The following B3GALT4 variants were observed in gnomAD, a reference collection of about 807,000 sequenced individuals.
B3GALT4 encodes the protein beta-1,3-galactosyltransferase 4, also known as UDP-Gal:betaGlcNAc beta 1,3-galactosyltransferase 4.
In B3GALT4, 1 loss-of-function variant was observed where a neutral mutation model predicts 1.6. That is an observed-to-expected ratio of 0.64 (90% CI 0.23 to 3.05). The LOEUF (loss-of-function observed/expected upper bound fraction) is 3.05, where lower values mean the gene tolerates loss of function less well. Among genes scored for constraint, B3GALT4 ranks in the 30% most tolerant of loss-of-function variants. The pLI, the probability that B3GALT4 is intolerant of heterozygous loss-of-function variation, is 0.21. For missense variants in B3GALT4, 441 were observed against 486.9 expected, an observed-to-expected ratio of 0.91 and a Z score of 0.89; for synonymous variants, 259 against 222.6, an observed-to-expected ratio of 1.16 and a Z score of -1.46.
chr6:33,278,487 C>T lies in B3GALT4; in HGVS notation c.1068C>T (p.Pro356=), dbSNP rs770000033. Reference sequence around the variant, plus strand: ...GCTCTGACGGGGAAAGGACTGCGCCCTTTTGCTCCTGGTTCCAGGGAGTCC... The same window carrying T: ...GCTCTGACGGGGAAAGGACTGCGCCTTTTTGCTCCTGGTTCCAGGGAGTCC... ...VGGSDGERTA[P]FCSWFQGVLG... Residue 356 remains proline (P), a synonymous_variant, in exon 1 of 1, where the codon CCC becomes CCT. Transcript: ENST00000451237. The surrounding 1 kb of genome is among the most constrained non-coding windows in gnomAD (Gnocchi z 5.2). 3 of 1,592,632 alleles carry T rather than the reference C, an allele frequency of 1.9e-6. No homozygotes were observed. Among genetic ancestry groups the T allele is most frequent in the South Asian group, 1.1e-5 (1 of 88,202 alleles).
chr6:33,278,622 C>T lies in B3GALT4; in HGVS notation c.*66C>T. 2.7e-6 allele frequency: 4 copies of T among 1,496,686 alleles called. No individual in the cohort carries two copies. Among genetic ancestry groups the T allele is most frequent in the Non-Finnish European group, 8.9e-7 (1 of 1,122,554 alleles). 92.7% of individuals were successfully genotyped at this position (1,496,686 alleles called of 1,614,324 possible). A position where few individuals can be genotyped will look rare whatever the true frequency, so the allele number is the denominator to read the frequency against. ...TCTCTCCCAGGCCCAACGCAGGGGC[C>T]CTCACTGGCTGCAGCTGATCTGTTT... On this transcript the variant is annotated 3_prime_UTR_variant, in exon 1 of 1. Coordinates refer to ENST00000451237, the MANE Select transcript of B3GALT4 (RefSeq NM_003782.4). The surrounding 1 kb of genome is among the most constrained non-coding windows in gnomAD (Gnocchi z 5.2).
chr6:33,277,428 C>T lies in B3GALT4; in HGVS notation c.9C>T (p.Leu3=). ...TCGGAGTACGCCGCACCATGCAGCT[C>T]AGGCTCTTCCGGCGCCTCCTTCTCG... MQ[L]RLFRRLLLAA... is the part of the protein sequence containing the mutation. Residue 3 remains leucine (L), a synonymous_variant, in exon 1 of 1, where the codon CTC becomes CTT. Coordinates refer to ENST00000451237, the MANE Select transcript of B3GALT4 (RefSeq NM_003782.4). This position sits in a 1 kb window ranked among gnomAD's most constrained non-coding sequence, Gnocchi z 5.3. 1 of 1,611,356 alleles carries T rather than the reference C, an allele frequency of 6.2e-7. No homozygotes were observed. The highest frequency in any genetic ancestry group is 8.5e-7 in the Non-Finnish European group (1 of 1,179,906).
chr6:33,278,584 G>A lies in B3GALT4; in HGVS notation c.*28G>A. 1 of 1,515,704 alleles carries A rather than the reference G, an allele frequency of 6.6e-7. No homozygotes were observed. The highest frequency in any genetic ancestry group is 2.3e-5 in the Admixed American group (1 of 44,226). 93.9% of individuals were successfully genotyped at this position (1,515,704 alleles called of 1,614,324 possible). On this transcript the variant is annotated 3_prime_UTR_variant, in exon 1 of 1. Transcript: ENST00000451237. This position sits in a 1 kb window ranked among gnomAD's most constrained non-coding sequence, Gnocchi z 5.2. ...GTGCCTGGGGCCACAGGAAAGGCAG[G>A]AACAGGACCTTCTCTCTCCCAGGCC...
In B3GALT4 at chr6:33,277,698, G is replaced by A. The variant is rs1765755609; in HGVS notation, c.279G>A (p.Ser93=). 3 of 1,613,958 alleles carry A rather than the reference G, an allele frequency of 1.9e-6. No individual in the cohort carries two copies. Among genetic ancestry groups the A allele is most frequent in the African/African-American group, 2.7e-5 (2 of 75,068 alleles). ...NLNQRNAIRA[S]WGGLREARGL... ...ACCAGAGAAACGCCATTCGGGCTTC[G>A]TGGGGCGGGCTGCGCGAGGCCCGGG... is the stretch of plus-strand genomic sequence containing the variant. The change falls in exon 1 of 1, where the codon TCG becomes TCA. Residue 93 remains serine (S), a synonymous_variant. Transcript: ENST00000451237. This position sits in a 1 kb window ranked among gnomAD's most constrained non-coding sequence, Gnocchi z 5.3.
rs1765736732 is a variant in B3GALT4 at position 33,277,512 on chromosome 6, G to A, written c.93G>A (p.Glu31=). Residue 31 remains glutamate (E), a synonymous_variant, in exon 1 of 1, where the codon GAG becomes GAA. Coordinates refer to ENST00000451237, the MANE Select transcript of B3GALT4 (RefSeq NM_003782.4). The surrounding 1 kb of genome is among the most constrained non-coding windows in gnomAD (Gnocchi z 5.3). ...TLFGPSGLGE[E]LLSLSLASLL... ...TCGGGCCTTCGGGGTTGGGGGAGGAGCTGCTGAGCCTCTCACTAGCCTCCC... is the reference window on the plus strand; with the variant it reads ...TCGGGCCTTCGGGGTTGGGGGAGGAACTGCTGAGCCTCTCACTAGCCTCCC... The A allele has an allele frequency of 6.2e-7, 1 of 1,612,568 alleles. No homozygotes were observed. Among genetic ancestry groups the A allele is most frequent in the Admixed American group, 1.7e-5 (1 of 59,988 alleles).
At position 33,278,079 on chromosome 6, in the gene B3GALT4, G is replaced by A; in HGVS notation, c.660G>A (p.Glu220=). ...AAGGAGGCCAGGTTTTGCACAGCGA[G>A]GAAGTGCCTCTTCTGTACTTGGGCC... ...EQEGGQVLHS[E]EVPLLYLGRV... The change falls in exon 1 of 1, where the codon GAG becomes GAA. Residue 220 remains glutamate (E), a synonymous_variant. Transcript: ENST00000451237. The surrounding 1 kb of genome is among the most constrained non-coding windows in gnomAD (Gnocchi z 5.2). 1 of 1,613,958 alleles carries A rather than the reference G, an allele frequency of 6.2e-7. No individual in the cohort carries two copies. Among genetic ancestry groups the A allele is most frequent in the Non-Finnish European group, 8.5e-7 (1 of 1,179,910 alleles).
rs755154942 is a variant in B3GALT4 at position 33,277,601 on chromosome 6, A to G, written c.182A>G (p.Gln61Arg). The change falls in exon 1 of 1, where the codon CAG (glutamine) becomes CGG (arginine). Residue 61 changes from glutamine (Q) to arginine (R), a missense_variant. By Grantham distance (43) the Gln-to-Arg change is conservative. Coordinates refer to ENST00000451237, the MANE Select transcript of B3GALT4 (RefSeq NM_003782.4). This position sits in a 1 kb window ranked among gnomAD's most constrained non-coding sequence, Gnocchi z 5.3. ...CTGCCCCGCCTCTTGATCCCCAACCAGGAAGCTTGCAGTGGTCCCGGGGCC... is the reference window on the plus strand; with the variant it reads ...CTGCCCCGCCTCTTGATCCCCAACCGGGAAGCTTGCAGTGGTCCCGGGGCC... ...LALPRLLIPNQEACSGPGAPP... is the reference protein window; with the variant it reads ...LALPRLLIPNREACSGPGAPP... 19 of 1,612,414 alleles carry G rather than the reference A, an allele frequency of 1.2e-5. No homozygotes were observed. Among genetic ancestry groups the G allele is most frequent in the African/African-American group, 1.3e-5 (1 of 74,892 alleles).
Position 33,277,955 on chromosome 6 carries a change from A to T in B3GALT4, c.536A>T (p.Tyr179Phe). The T allele has an allele frequency of 6.2e-7, 1 of 1,614,192 alleles. No individual in the cohort carries two copies. The highest frequency in any genetic ancestry group is 8.5e-7 in the Non-Finnish European group (1 of 1,180,034). ...RYVLKTDDDV[Y>F]VNVPELVSEL... Reference sequence around the variant, plus strand: ...GTCCTCAAGACGGACGATGATGTGTATGTCAACGTCCCTGAACTGGTATCA... The same window carrying T: ...GTCCTCAAGACGGACGATGATGTGTTTGTCAACGTCCCTGAACTGGTATCA... The change falls in exon 1 of 1, where the codon TAT becomes TTT. Residue 179 changes from tyrosine to phenylalanine, a missense_variant. Physicochemically the swap from Tyr to Phe is conservative, Grantham distance 22. Coordinates refer to ENST00000451237, the MANE Select transcript of B3GALT4 (RefSeq NM_003782.4). This position sits in a 1 kb window ranked among gnomAD's most constrained non-coding sequence, Gnocchi z 5.3.
In B3GALT4 at chr6:33,277,208, C is replaced by T. The variant is rs1177613375; in HGVS notation, c.-212C>T. The T allele has an allele frequency of 2.7e-6, 2 of 731,858 alleles. No homozygotes were observed. The highest frequency in any genetic ancestry group is 4.1e-6 in the Non-Finnish European group (2 of 492,950). The allele number at this position is 731,858 out of a possible 1,614,324, so 45.3% of individuals were successfully genotyped here. On this transcript the variant is annotated 5_prime_UTR_variant, in exon 1 of 1. Transcript: ENST00000451237. This position sits in a 1 kb window ranked among gnomAD's most constrained non-coding sequence, Gnocchi z 5.3. ...GAGCGGAGCTTGCTGGCGGCGAGGC[C>T]GCGGCGACAAGGTAGCCACCCCCGC...
In B3GALT4 at chr6:33,277,773, C is replaced by T; in HGVS notation, c.354C>T (p.His118=). 1 of 1,613,760 alleles carries T rather than the reference C, an allele frequency of 6.2e-7. No individual in the cohort carries two copies. Among genetic ancestry groups the T allele is most frequent in the South Asian group, 1.1e-5 (1 of 91,082 alleles). The change falls in exon 1 of 1, where the codon CAC becomes CAT. Residue 118 remains histidine, a synonymous_variant. Transcript: ENST00000451237. The surrounding 1 kb of genome is among the most constrained non-coding windows in gnomAD (Gnocchi z 5.3). ...TGCTGGGAGAGCCGAACGCACAGCA[C>T]CCCGTGTGGGGTTCCCAGGGGAGTG... is the stretch of plus-strand genomic sequence containing the variant. ...LFLLGEPNAQ[H]PVWGSQGSDL...
chr6:33,277,977 A>G lies in B3GALT4; in HGVS notation c.558A>G (p.Val186=). The change falls in exon 1 of 1, where the codon GTA becomes GTG. Residue 186 remains valine (V), a synonymous_variant. Transcript: ENST00000451237. This position sits in a 1 kb window ranked among gnomAD's most constrained non-coding sequence, Gnocchi z 5.3. ...DDVYVNVPEL[V]SELVLRGGRW... ...TGTATGTCAACGTCCCTGAACTGGT[A>G]TCAGAGCTGGTCTTGCGAGGGGGCC... The G allele has an allele frequency of 6.2e-7, 1 of 1,614,178 alleles. No individual in the cohort carries two copies. Among genetic ancestry groups the G allele is most frequent in the Non-Finnish European group, 8.5e-7 (1 of 1,180,012 alleles).
chr6:33,277,792 G>T lies in B3GALT4; in HGVS notation c.373G>T (p.Gly125Trp), dbSNP rs150668660. ...NAQHPVWGSQ[G>W]SDLASESAAQ... ...ACAGCACCCCGTGTGGGGTTCCCAG[G>T]GGAGTGACCTGGCCTCGGAGTCAGC... The change falls in exon 1 of 1, where the codon GGG becomes TGG. Residue 125 changes from glycine (G) to tryptophan (W), a missense_variant. Coordinates refer to ENST00000451237, the MANE Select transcript of B3GALT4 (RefSeq NM_003782.4). The surrounding 1 kb of genome is among the most constrained non-coding windows in gnomAD (Gnocchi z 5.3). 6.2e-7 allele frequency: 1 copy of T among 1,613,734 alleles called. No homozygotes were observed. The highest frequency in any genetic ancestry group is 8.5e-7 in the Non-Finnish European group (1 of 1,179,994).
chr6:33,277,300 G>A lies in B3GALT4; in HGVS notation c.-120G>A, dbSNP rs916473951. 66 of 1,482,718 alleles carry A rather than the reference G, an allele frequency of 4.5e-5. No individual in the cohort carries two copies. Among genetic ancestry groups the A allele is most frequent in the South Asian group, 1.2e-4 (9 of 73,932 alleles). 91.8% of individuals were successfully genotyped at this position (1,482,718 alleles called of 1,614,324 possible). A position where few individuals can be genotyped will look rare whatever the true frequency, so the allele number is the denominator to read the frequency against. On this transcript the variant is annotated 5_prime_UTR_variant, in exon 1 of 1. Coordinates refer to ENST00000451237, the MANE Select transcript of B3GALT4 (RefSeq NM_003782.4). The surrounding 1 kb of genome is among the most constrained non-coding windows in gnomAD (Gnocchi z 5.3). ...CGCCCCCCAGGGTGCGCTGGTCCCG[G>A]TCGCGCGCTCAGACCTCCGCATCCC...
At position 33,277,123 on chromosome 6, in the gene B3GALT4, A is replaced by C. The variant is rs1356132142; in HGVS notation, c.-297A>C. Reference sequence around the variant, plus strand: ...AGCGCGCAACGCGGAAGCGGGCGGCAGACCGGCCGCCGGGGCGAGGCGGGG... The same window carrying C: ...AGCGCGCAACGCGGAAGCGGGCGGCCGACCGGCCGCCGGGGCGAGGCGGGG... On this transcript the variant is annotated 5_prime_UTR_variant, in exon 1 of 1. Transcript: ENST00000451237. This position sits in a 1 kb window ranked among gnomAD's most constrained non-coding sequence, Gnocchi z 5.3. The C allele has an allele frequency of 8.4e-6, 3 of 357,084 alleles. No individual in the cohort carries two copies. The highest frequency in any genetic ancestry group is 1.5e-5 in the Non-Finnish European group (3 of 202,024). The allele number at this position is 357,084 out of a possible 1,614,324, so 22.1% of individuals were successfully genotyped here. A position where few individuals can be genotyped will look rare whatever the true frequency, so the allele number is the denominator to read the frequency against.
At position 33,277,690 on chromosome 6, in the gene B3GALT4, C is replaced by G; in HGVS notation, c.271C>G (p.Arg91Gly). 1 of 1,613,924 alleles carries G rather than the reference C, an allele frequency of 6.2e-7. No homozygotes were observed. Among genetic ancestry groups the G allele is most frequent in the South Asian group, 1.1e-5 (1 of 91,086 alleles). The change falls in exon 1 of 1, where the codon CGG becomes GGG. Residue 91 changes from arginine to glycine, a missense_variant. By Grantham distance (125) the Arg-to-Gly change is moderately radical (BLOSUM62 -2). Transcript: ENST00000451237. This position sits in a 1 kb window ranked among gnomAD's most constrained non-coding sequence, Gnocchi z 5.3. ...GAACCTGAACCAGAGAAACGCCATT[C>G]GGGCTTCGTGGGGCGGGCTGCGCGA... is the stretch of plus-strand genomic sequence containing the variant. ...PENLNQRNAIRASWGGLREAR... is the reference protein window; with the variant it reads ...PENLNQRNAIGASWGGLREAR...
At position 33,278,492 on chromosome 6, in the gene B3GALT4, G is replaced by T. The variant is rs1765827598; in HGVS notation, c.1073G>T (p.Cys358Phe). The change falls in exon 1 of 1, where the codon TGC (cysteine) becomes TTC (phenylalanine). Residue 358 changes from cysteine to phenylalanine, a missense_variant. Coordinates refer to ENST00000451237, the MANE Select transcript of B3GALT4 (RefSeq NM_003782.4). This position sits in a 1 kb window ranked among gnomAD's most constrained non-coding sequence, Gnocchi z 5.2. The part of the protein sequence containing the change: ...GSDGERTAPF[C>F]SWFQGVLGIL... ...GACGGGGAAAGGACTGCGCCCTTTT[G>T]CTCCTGGTTCCAGGGAGTCCTGGGC... The T allele has an allele frequency of 1.3e-6, 2 of 1,588,852 alleles. No homozygotes were observed. Among genetic ancestry groups the T allele is most frequent in the Non-Finnish European group, 1.7e-6 (2 of 1,166,658 alleles).
At position 33,278,271 on chromosome 6, in the gene B3GALT4, A is replaced by AC. The variant is rs749452536; in HGVS notation, c.856dup (p.Leu286ProfsTer65). ...TCATTCTCAAGGTGGCCAGCCGGGCACCCCTTCTCCCATTAGAGGATGTCT... is the reference window on the plus strand; with the variant it reads ...TCATTCTCAAGGTGGCCAGCCGGGCACCCCCTTCTCCCATTAGAGGATGTCT... On this transcript the variant is annotated frameshift_variant, in exon 1 of 1. Coordinates refer to ENST00000451237, the MANE Select transcript of B3GALT4 (RefSeq NM_003782.4). LOFTEE classifies it high-confidence loss of function. This position sits in a 1 kb window ranked among gnomAD's most constrained non-coding sequence, Gnocchi z 5.2. 1.2e-6 allele frequency: 2 copies of AC among 1,613,508 alleles called. No individual in the cohort carries two copies. The highest frequency in any genetic ancestry group is 2.2e-5 in the South Asian group (2 of 91,080).
At position 33,278,300 on chromosome 6, in the gene B3GALT4, T is replaced by TG; in HGVS notation, c.886dup (p.Val296GlyfsTer55). 1.2e-6 allele frequency: 2 copies of TG among 1,613,838 alleles called. No individual in the cohort carries two copies. The highest frequency in any genetic ancestry group is 1.7e-6 in the Non-Finnish European group (2 of 1,179,926). On this transcript the variant is annotated frameshift_variant, in exon 1 of 1. Transcript: ENST00000451237. LOFTEE classifies it high-confidence loss of function. This position sits in a 1 kb window ranked among gnomAD's most constrained non-coding sequence, Gnocchi z 5.2. ...CTTCTCCCATTAGAGGATGTCTTTG[T>TG]GGGGGTAAGTGCCCGACGAGGAGGC...
chr6:33,277,442 G>A lies in B3GALT4; in HGVS notation c.23G>A (p.Arg8His), dbSNP rs1340544460. MQLRLFR[R>H]LLLAALLLVI... ...ACCATGCAGCTCAGGCTCTTCCGGC[G>A]CCTCCTTCTCGCCGCTTTGCTGCTG... The change falls in exon 1 of 1, where the codon CGC (arginine) becomes CAC (histidine). Residue 8 changes from arginine (R) to histidine (H), a missense_variant. Arg to His is a conservative substitution (Grantham distance 29). Coordinates refer to ENST00000451237, the MANE Select transcript of B3GALT4 (RefSeq NM_003782.4). The surrounding 1 kb of genome is among the most constrained non-coding windows in gnomAD (Gnocchi z 5.3). The A allele has an allele frequency of 3.7e-6, 6 of 1,611,936 alleles. No homozygotes were observed. The highest frequency in any genetic ancestry group is 5.1e-6 in the Non-Finnish European group (6 of 1,179,952).
Sources: allele counts gnomAD v4.1 joint callset, GRCh38; gene constraint gnomAD v4.1.1; non-coding constraint Gnocchi (gnomAD v3.1); transcripts MANE v1.5; gene names NCBI Gene and HGNC (gene_info 2026-07-23, HGNC 2026-07-21).